Variants in SLC13A1 observed in about 807,000 individuals in gnomAD.
SLC13A1 encodes the protein Na(+)/sulfate cotransporter.
In SLC13A1, 65 loss-of-function variants were observed where a neutral mutation model predicts 70.0. That is an observed-to-expected ratio of 0.93 (90% confidence interval 0.76 to 1.14). SLC13A1 has a LOEUF of 1.14. Among genes scored for constraint, SLC13A1 ranks in the 50% most tolerant of loss-of-function variants. The probability of loss-of-function intolerance (pLI) is 0.00; values close to 1 mark genes in which losing one functional copy is unlikely to be tolerated. For missense variants in SLC13A1, 726 were observed against 717.8 expected (o/e 1.01, Z -0.13); for synonymous variants, 275 against 250.5 (o/e 1.10, Z -0.92).
intron 7 of SLC13A1, among the ~76,000 whole-genome samples, chr7:123,138,744 C>T (rs1175714675): frequency 6.6e-6 from 1 of 151,948 alleles, no homozygotes; most frequent in Non-Finnish European, 1.5e-5. Context: ...AAATATTTTG[C>T]CCATTTTTAA....
chr7:123,166,743 A>G (rs1336278027), intron 6 of SLC13A1, among the ~76,000 whole-genome samples: 2 of 152,278 alleles, frequency 1.3e-5, no homozygotes, highest in Middle Eastern at 3.4e-3. Flanking sequence ...ATGGCTGCAT[A>G]GTATTCCATG....
At chr7:123,167,343 T>A (rs1795110494) in intron 6 of SLC13A1, among the ~76,000 whole-genome samples, 1 of 152,192 alleles carries the variant, frequency 6.6e-6, no homozygotes, top group African/African-American at 2.4e-5. Flanking sequence ...TATATGCAAT[T>A]CCCATCTTAA....
At chr7:123,188,951 T>C (rs935133744) in intron 1 of SLC13A1, among the ~76,000 whole-genome samples, 3 of 150,868 alleles carry the variant, frequency 2.0e-5, no homozygotes, top group Non-Finnish European at 4.4e-5. Context: ...CCGTCTCTAC[T>C]AAAAATACAA....
chr7:123,180,426 G>A (rs1795600334), intron 2 of SLC13A1, among the ~76,000 whole-genome samples: 1 of 151,996 alleles, frequency 6.6e-6, no homozygotes, highest in Non-Finnish European at 1.5e-5. Flanking sequence ...AATGCGTTTG[G>A]GAAACCAAAT....
At chr7:123,153,477 A>G (rs1275967107) in intron 6 of SLC13A1, among the ~76,000 whole-genome samples, 1 of 152,072 alleles carries the variant, frequency 6.6e-6, no homozygotes, top group Non-Finnish European at 1.5e-5. Context: ...CAGATTTATC[A>G]TTATTTTTAC....
rs1375632614 is a variant in SLC13A1 at position 123,169,218 on chromosome 7, T to C, written c.483A>G (p.Ala161=). 1.9e-6 allele frequency: 3 copies of C among 1,614,116 alleles called. No individual in the cohort carries two copies. The highest frequency in any genetic ancestry group is 3.3e-5 in the Admixed American group (2 of 60,006). Reference sequence around the variant, plus strand: ...TCTGAGTGGCCTCGACCTCTGCTTCTGCATTGATGATCTGCTGCACTACAG... The same window carrying C: ...TCTGAGTGGCCTCGACCTCTGCTTCCGCATTGATGATCTGCTGCACTACAG... ...AEAVVQQIIN[A]EAEVEATQMT... Residue 161 remains alanine (A), a synonymous_variant, in exon 4 of 15, where the codon GCA becomes GCG. Transcript: ENST00000194130.
Position 123,115,609 on chromosome 7 carries a change from A to G in SLC13A1, c.1697T>C (p.Met566Thr), listed in dbSNP as rs756895454. ...GVNIVGVAVV[M>T]LGICTWIVPM... The stretch of plus-strand genomic sequence containing the variant: ...TACAATCCAAGTACATATGCCAAGC[A>G]TAACCACAGCAACACCAACAATGTT... The change falls in exon 15 of 15, where the codon ATG (methionine) becomes ACG (threonine). Residue 566 changes from methionine to threonine, a missense_variant. By Grantham distance (81) the Met-to-Thr change is moderately conservative. Transcript: ENST00000194130. 3.1e-6 allele frequency: 5 copies of G among 1,614,002 alleles called. No homozygotes were observed. In the South Asian group the frequency reaches 4.4e-5, roughly 14 times the overall value.
intron 2 of SLC13A1, among the ~76,000 whole-genome samples, chr7:123,179,306 ATG>A (rs1467024837): frequency 6.6e-6 from 1 of 152,188 alleles, no homozygotes; most frequent in Admixed American, 6.5e-5. Context: ...CAAAAATAAT[ATG>A]TATCTCCTTG....
intron 1 of SLC13A1, among the ~76,000 whole-genome samples, chr7:123,183,594 C>G (rs1182112754): frequency 6.6e-6 from 1 of 152,158 alleles, no homozygotes; most frequent in Non-Finnish European, 1.5e-5. Flanking sequence ...GACTTCTCCC[C>G]TCTCTGCCCC....
chr7:123,193,376 A>G (rs1350038428), intron 1 of SLC13A1, among the ~76,000 whole-genome samples: 1 of 152,104 alleles, frequency 6.6e-6, no homozygotes, highest in African/African-American at 2.4e-5. Flanking sequence ...AGAATATGCT[A>G]TGTTAATCAG....
chr7:123,184,367 T>C (rs1299214577), intron 1 of SLC13A1, among the ~76,000 whole-genome samples: 2 of 152,086 alleles, frequency 1.3e-5, no homozygotes, highest in East Asian at 3.9e-4. Context: ...AATAAATCTC[T>C]CAAGCTTATT....
At chr7:123,128,667 C>G (rs1731255269) in intron 10 of SLC13A1, among the ~76,000 whole-genome samples, 178 bp downstream of exon 10, 1 of 152,152 alleles carries the variant, frequency 6.6e-6, no homozygotes, top group African/African-American at 2.4e-5. Context: ...TTTCTGTGCT[C>G]TTATCCTAGA....
At chr7:123,171,541 C>T (rs555050005) in intron 3 of SLC13A1, among the ~76,000 whole-genome samples, 2 of 152,254 alleles carry the variant, frequency 1.3e-5, no homozygotes, top group African/African-American at 4.8e-5. Context: ...GTTGTGTGCA[C>T]GTATTCCAAG....
chr7:123,177,949 G>C (rs933588979), intron 2 of SLC13A1, among the ~76,000 whole-genome samples: 6 of 151,326 alleles, frequency 4.0e-5, no homozygotes, highest in Non-Finnish European at 7.4e-5. Context: ...TCCCTGGCAG[G>C]GTACTACCAT....
chr7:123,194,200 G>T (rs1031825409), intron 1 of SLC13A1, among the ~76,000 whole-genome samples: 1 of 152,108 alleles, frequency 6.6e-6, no homozygotes, highest in Non-Finnish European at 1.5e-5. Context: ...TGCAATGAGA[G>T]CATCGAGGAT....
Position 123,147,302 on chromosome 7 carries a change from G to A in SLC13A1, c.669C>T (p.Gly223=). Residue 223 remains glycine (G), a synonymous_variant, in exon 7 of 15, where the codon GGC becomes GGT. Coordinates refer to ENST00000194130, the MANE Select transcript of SLC13A1 (RefSeq NM_022444.4). ...TCTTTGTTCGATATTTGGTTCTCATGCCTGAGTTCTGTTCAACAACAACAA... is the reference window on the plus strand; with the variant it reads ...TCTTTGTTCGATATTTGGTTCTCATACCTGAGTTCTGTTCAACAACAACAA... ...SSKVELEKNS[G]MRTKYRTKKG... is the part of the protein sequence containing the mutation. 6.2e-7 allele frequency: 1 copy of A among 1,613,288 alleles called. No individual in the cohort carries two copies. The highest frequency in any genetic ancestry group is 8.5e-7 in the Non-Finnish European group (1 of 1,179,654).
intron 6 of SLC13A1, among the ~76,000 whole-genome samples, chr7:123,161,047 TAAAGA>T (rs1292101451): frequency 6.6e-6 from 1 of 151,478 alleles, no homozygotes; most frequent in Non-Finnish European, 1.5e-5. Context: ...AACAAAGTAA[TAAAGA>T]AAACTATTAA....
chr7:123,185,651 A>G (rs1025612955), intron 1 of SLC13A1, among the ~76,000 whole-genome samples: 3 of 152,034 alleles, frequency 2.0e-5, no homozygotes, highest in African/African-American at 7.2e-5. Flanking sequence ...GTCTGTTTTT[A>G]TGCCACTGCC....
rs201193437 is a variant in SLC13A1 at position 123,122,692 on chromosome 7, CT to C, written c.1350+433del. On this transcript the variant is annotated intron_variant, in intron 12 of 14. Transcript: ENST00000194130. Reference sequence around the variant, plus strand: ...TAAAGCTAATATTATTTCTCATTCTCTTTTTTTTTAAATCAGCAATAGCATC... The same window carrying C: ...TAAAGCTAATATTATTTCTCATTCTCTTTTTTTTAAATCAGCAATAGCATC... Among the ~76,000 whole-genome samples, 7 of 151,246 alleles carry C rather than the reference CT, an allele frequency of 4.6e-5. No individual in the cohort carries two copies. In the South Asian group the frequency reaches 6.3e-4, roughly 14 times the overall value.
Sources: allele counts gnomAD v4.1 joint callset (sites outside exome capture counted in the v4.1 genomes callset), GRCh38; gene constraint gnomAD v4.1.1; transcripts MANE v1.5; gene names NCBI Gene and HGNC (gene_info 2026-07-23, HGNC 2026-07-21).